SPAG16: variants seen among roughly 807,000 people sequenced by gnomAD.
The protein encoded by SPAG16 is sperm associated antigen 16.
Under a neutral mutation model 80.4 loss-of-function variants are expected in SPAG16, and 86 were observed. That is an observed-to-expected ratio of 1.07 (90% CI 0.90 to 1.28). The LOEUF (loss-of-function observed/expected upper bound fraction) is 1.28, where lower values mean the gene tolerates loss of function less well. Ranked by LOEUF, SPAG16 falls within the 50% of genes most tolerant of loss-of-function variation. The pLI, the probability that SPAG16 is intolerant of heterozygous loss-of-function variation, is 0.00. For synonymous variants in SPAG16, 294 were observed against 265.9 expected, an observed-to-expected ratio of 1.11 and a Z score of -1.03; for missense variants, 870 against 765.3, an observed-to-expected ratio of 1.14 and a Z score of -1.61.
chr2:213,869,989 T>C (rs1472096013), intron 11 of SPAG16, among the ~76,000 whole-genome samples: 6 of 152,210 alleles, frequency 3.9e-5, no homozygotes, highest in Non-Finnish European at 8.8e-5. Context: ...ATATGTCAAG[T>C]ATTGCAATTG....
At chr2:214,207,673 G>A (rs2058180588) in intron 15 of SPAG16, among the ~76,000 whole-genome samples, 1 of 152,160 alleles carries the variant, frequency 6.6e-6, no homozygotes, top group Non-Finnish European at 1.5e-5. Flanking sequence ...TTGTTTCTGG[G>A]TGTGTCTGTG....
chr2:213,948,359 A>T (rs1367005812), intron 12 of SPAG16, among the ~76,000 whole-genome samples: 1 of 152,222 alleles, frequency 6.6e-6, no homozygotes, highest in African/African-American at 2.4e-5. Flanking sequence ...GGAAGTGTGT[A>T]ACAAATCCCA....
intron 15 of SPAG16, among the ~76,000 whole-genome samples, chr2:214,279,501 A>G (rs1028025702): frequency 6.6e-6 from 1 of 152,210 alleles, no homozygotes; most frequent in African/African-American, 2.4e-5. Context: ...GAGAGCCCAG[A>G]TGGAAATTGA....
intron 15 of SPAG16, among the ~76,000 whole-genome samples, chr2:214,203,785 C>T (rs578228330): frequency 6.6e-6 from 1 of 152,206 alleles, no homozygotes; most frequent in Non-Finnish European, 1.5e-5. Context: ...AGCTGAACTT[C>T]GTAACAATTT....
At chr2:213,365,825 G>A (rs1184701621) in intron 8 of SPAG16, among the ~76,000 whole-genome samples, 1 of 151,750 alleles carries the variant, frequency 6.6e-6, no homozygotes, top group Admixed American at 6.6e-5. Flanking sequence ...TTTCAAGAGA[G>A]ATCCATAAAG....
intron 10 of SPAG16, among the ~76,000 whole-genome samples, chr2:213,846,573 ATATAAT>A (rs2074638685): frequency 6.6e-6 from 1 of 152,034 alleles, no homozygotes; most frequent in Admixed American, 6.6e-5. Flanking sequence ...ACACAAAATA[ATATAAT>A]TATAAATAAA....
intron 10 of SPAG16, among the ~76,000 whole-genome samples, chr2:213,572,603 C>G (rs2059954258): frequency 6.6e-6 from 1 of 152,168 alleles, no homozygotes; most frequent in African/African-American, 2.4e-5. Flanking sequence ...GTTCTCAGAT[C>G]TCCAGCTGCG....
chr2:214,407,625 G>A (rs944090100), intron 15 of SPAG16, among the ~76,000 whole-genome samples: 2 of 152,096 alleles, frequency 1.3e-5, no homozygotes, highest in African/African-American at 2.4e-5. Context: ...AGATACCCAT[G>A]CACTTCTGTA....
chr2:213,358,132 A>C (rs963279381), intron 7 of SPAG16, among the ~76,000 whole-genome samples: 3 of 152,288 alleles, frequency 2.0e-5, no homozygotes, highest in Non-Finnish European at 4.4e-5. Flanking sequence ...ATCTGCTGTT[A>C]GTCTGATGAG....
chr2:213,693,576 T>C (rs994600767), intron 10 of SPAG16, among the ~76,000 whole-genome samples: 4 of 152,198 alleles, frequency 2.6e-5, no homozygotes, highest in Non-Finnish European at 4.4e-5. Flanking sequence ...TGGAAGTGTT[T>C]TGGGCAGATT....
chr2:214,335,827 C>A (rs543233925), intron 15 of SPAG16, among the ~76,000 whole-genome samples: 2 of 141,164 alleles, frequency 1.4e-5, no homozygotes, highest in Non-Finnish European at 3.0e-5. Flanking sequence ...GGCACAATCT[C>A]GGCTCACTGC....
chr2:213,581,617 A>G (rs2060300392), intron 10 of SPAG16, among the ~76,000 whole-genome samples: 1 of 152,134 alleles, frequency 6.6e-6, no homozygotes, highest in Non-Finnish European at 1.5e-5. Flanking sequence ...GGATTAAGCT[A>G]GTCTCCACAT....
At chr2:214,006,131 G>A (rs1193956877) in intron 12 of SPAG16, among the ~76,000 whole-genome samples, 1 of 151,726 alleles carries the variant, frequency 6.6e-6, no homozygotes, top group Admixed American at 6.6e-5. Flanking sequence ...TTTTTTTCAT[G>A]TTCACTTAAA....
At chr2:213,804,575 C>T (rs1254262757) in intron 10 of SPAG16, among the ~76,000 whole-genome samples, 1 of 151,980 alleles carries the variant, frequency 6.6e-6, no homozygotes, top group Non-Finnish European at 1.5e-5. Flanking sequence ...CCCAGCTACC[C>T]GGGAGGCTGA....
intron 12 of SPAG16, among the ~76,000 whole-genome samples, chr2:213,980,980 G>C: frequency 6.6e-6 from 1 of 151,890 alleles, no homozygotes. Flanking sequence ...AGACTGTTTA[G>C]GTTGTCATAA....
chr2:213,701,115 CTG>C (rs1156928466), intron 10 of SPAG16, among the ~76,000 whole-genome samples: 2 of 152,144 alleles, frequency 1.3e-5, no homozygotes, highest in Non-Finnish European at 2.9e-5. Flanking sequence ...TGGCACCTGC[CTG>C]TACTCCCAGC....
chr2:214,262,050 G>C (rs1167230238), intron 15 of SPAG16, among the ~76,000 whole-genome samples: 1 of 152,002 alleles, frequency 6.6e-6, no homozygotes, highest in African/African-American at 2.4e-5. Context: ...CTAAATATTA[G>C]ACATTTACAT....
chr2:213,803,612 A>G (rs1346726688), intron 10 of SPAG16, among the ~76,000 whole-genome samples: 1 of 152,240 alleles, frequency 6.6e-6, no homozygotes, highest in African/African-American at 2.4e-5. Context: ...CAGGGCTCCC[A>G]ATCCAGAGCC....
At position 213,496,175 on chromosome 2, in the gene SPAG16, T is replaced by G. The variant is rs2125755318; in HGVS notation, c.1070+6085T>G. On this transcript the variant is annotated intron_variant, in intron 10 of 15. Transcript: ENST00000331683. ...AGTAATCCAAGAAAAGTATAAGGTT[T>G]CCTGGAGTAAGTTGACAGTGATATA... Among the ~76,000 whole-genome samples, 2 of 152,312 alleles carry G rather than the reference T, an allele frequency of 1.3e-5. 1 individual carries two copies. Among genetic ancestry groups the G allele is most frequent in the South Asian group, 4.1e-4 (2 of 4,822 alleles).
Sources: gnomAD v4.1 joint callset for allele counts (sites outside exome capture counted in the v4.1 genomes callset) on GRCh38, gnomAD v4.1.1 for gene constraint, MANE v1.5 for transcripts, NCBI Gene and HGNC (gene_info 2026-07-23, HGNC 2026-07-21) for gene names.